SPOCK3: variants seen among roughly 807,000 people sequenced by gnomAD.
SPOCK3 encodes the protein SPARC (osteonectin), cwcv and kazal like domains proteoglycan 3.
In SPOCK3, 30 loss-of-function variants were observed where a neutral mutation model predicts 56.6. That is an observed-to-expected ratio of 0.53 (90% CI 0.40 to 0.72). The LOEUF is 0.72. Among genes scored for constraint, SPOCK3 ranks in the 30% least tolerant of loss-of-function variants. The pLI, the probability that SPOCK3 is intolerant of heterozygous loss-of-function variation, is 0.00. For missense variants in SPOCK3, 527 were observed against 530.0 expected, an observed-to-expected ratio of 0.99 and a Z score of 0.06; for synonymous variants, 196 against 183.3, an observed-to-expected ratio of 1.07 and a Z score of -0.56.
chr4:167,024,997 G>T (rs375228670), intron 3 of SPOCK3, among the ~76,000 whole-genome samples: 6 of 151,936 alleles, frequency 3.9e-5, no homozygotes, highest in African/African-American at 1.4e-4. Flanking sequence ...TAGATTTATA[G>T]CATGTATCAT....
chr4:166,736,559 CTTTT>C (rs918736773), intron 10 of SPOCK3, among the ~76,000 whole-genome samples: 2 of 151,926 alleles, frequency 1.3e-5, no homozygotes, highest in African/African-American at 2.4e-5. Flanking sequence ...TATTGTTTAT[CTTTT>C]TTTAATAGTC....
intron 7 of SPOCK3, among the ~76,000 whole-genome samples, chr4:166,770,234 T>C (rs1738747279): frequency 1.3e-5 from 2 of 152,096 alleles, no homozygotes; most frequent in African/African-American, 2.4e-5. Context: ...ATGAACCGGG[T>C]ACCTCAGTTG....
At chr4:167,159,871 G>A (rs1007319132) in intron 2 of SPOCK3, among the ~76,000 whole-genome samples, 7 of 152,022 alleles carry the variant, frequency 4.6e-5, no homozygotes, top group Non-Finnish European at 1.0e-4. Flanking sequence ...CAATAAATTA[G>A]GTATTGATGA....
intron 4 of SPOCK3, among the ~76,000 whole-genome samples, chr4:166,914,074 A>AAC (rs77206730): frequency 0.022 from 3,413 of 152,246 alleles, 114 homozygotes; most frequent in African/African-American, 0.067. Flanking sequence ...TTAAAAAAAA[A>AAC]AAACCATTCT....
rs150780086 is a variant in SPOCK3, at chr4:167,097,929, C to A, written c.190-35392G>T. Reference sequence around the variant, plus strand: ...TGCAGCTGGGGCCCATTATTCTAAGCAAATTAACACAAAAACAGCAAACTA... The same window carrying A: ...TGCAGCTGGGGCCCATTATTCTAAGAAAATTAACACAAAAACAGCAAACTA... On this transcript the variant is annotated intron_variant, in intron 2 of 10. Coordinates refer to ENST00000357545, the MANE Select transcript of SPOCK3 (RefSeq NM_001040159.2). Among the ~76,000 whole-genome samples the A allele has an allele frequency of 2.2e-3, 329 of 152,034 alleles. 4 individuals are homozygous for A. The highest frequency in any genetic ancestry group is 7.6e-3 in the African/African-American group (314 of 41,520).
At chr4:166,978,549 G>A (rs973838839) in intron 4 of SPOCK3, among the ~76,000 whole-genome samples, 12 of 152,140 alleles carry the variant, frequency 7.9e-5, no homozygotes, top group Admixed American at 2.6e-4. Context: ...AGAAAAGGAA[G>A]GAAATTAACA....
chr4:166,755,134 C>T (rs1736907651), intron 7 of SPOCK3, among the ~76,000 whole-genome samples: 1 of 152,006 alleles, frequency 6.6e-6, no homozygotes, highest in Admixed American at 6.6e-5. Context: ...ATTCACAGCA[C>T]TGAAAATATG....
chr4:167,061,520 G>A (rs1256779412), intron 3 of SPOCK3, among the ~76,000 whole-genome samples: 1 of 151,860 alleles, frequency 6.6e-6, no homozygotes, highest in Non-Finnish European at 1.5e-5. Context: ...GTTGATGATG[G>A]TCTATGTCTA....
intron 4 of SPOCK3, among the ~76,000 whole-genome samples, chr4:166,955,483 ATAT>A (rs919348128): frequency 4.1e-5 from 6 of 146,272 alleles, no homozygotes; most frequent in South Asian, 4.2e-4. Context: ...ATATTTAATT[ATAT>A]TATATTATTA....
intron 3 of SPOCK3, among the ~76,000 whole-genome samples, chr4:167,004,464 C>A (rs1749267877): frequency 6.6e-6 from 1 of 152,102 alleles, no homozygotes; most frequent in African/African-American, 2.4e-5. Context: ...AGCTTCTTAG[C>A]CTTCCAGAGT....
chr4:167,091,853 T>C lies in SPOCK3; in HGVS notation c.190-29316A>G, dbSNP rs543722550. Reference sequence around the variant, plus strand: ...TATTTTTGCCAAATAATATTCAAAATGAAATTATGTAAGTTTTTCTTCCCC... The same window carrying C: ...TATTTTTGCCAAATAATATTCAAAACGAAATTATGTAAGTTTTTCTTCCCC... On this transcript the variant is annotated intron_variant, in intron 2 of 10. Transcript: ENST00000357545. 8.1e-4 allele frequency among the ~76,000 whole-genome samples: 123 copies of C among 152,230 alleles called. No homozygotes were observed. The Middle Eastern group carries it at 0.02, about 25-fold the overall frequency.
chr4:166,746,591 A>C (rs1236447732), intron 8 of SPOCK3, among the ~76,000 whole-genome samples: 1 of 152,194 alleles, frequency 6.6e-6, no homozygotes, highest in Non-Finnish European at 1.5e-5. Flanking sequence ...AGGCAAGAGC[A>C]AACACATTCA....
At chr4:166,938,704 C>T (rs1740727050) in intron 4 of SPOCK3, among the ~76,000 whole-genome samples, 3 of 151,958 alleles carry the variant, frequency 2.0e-5, no homozygotes, top group African/African-American at 7.2e-5. Flanking sequence ...ACATAATCAA[C>T]ATTTAGTCAG....
At chr4:166,896,981 C>CT (rs199831366) in intron 5 of SPOCK3, among the ~76,000 whole-genome samples, 2 of 152,076 alleles carry the variant, frequency 1.3e-5, no homozygotes, top group East Asian at 3.9e-4. Context: ...AAAAGATTAA[C>CT]TTTTTTTTCC....
intron 2 of SPOCK3, among the ~76,000 whole-genome samples, chr4:167,106,865 T>C (rs903579896): frequency 6.6e-5 from 10 of 151,640 alleles, no homozygotes; most frequent in Admixed American, 1.3e-4. Flanking sequence ...TAGTGGCTAC[T>C]ATGAGCAAGC....
rs1488205243 is a variant in SPOCK3, at chr4:166,748,877, A to G, written c.931+5631T>C. Among the ~76,000 whole-genome samples the G allele has an allele frequency of 1.5e-5, 2 of 137,808 alleles. 1 individual carries two copies. Among genetic ancestry groups the G allele is most frequent in the Non-Finnish European group, 3.1e-5 (2 of 64,840 alleles). 90.4% of individuals were successfully genotyped at this position (137,808 alleles called of 152,430 possible). A position where few individuals can be genotyped will look rare whatever the true frequency, so the allele number is the denominator to read the frequency against. On this transcript the variant is annotated intron_variant, in intron 8 of 10. Coordinates refer to ENST00000357545, the MANE Select transcript of SPOCK3 (RefSeq NM_001040159.2). ...GAAGTCATTTATGCCACCAACAGAC[A>G]CAGAAAAAATGCTCATCATCACTGG...
At chr4:167,202,563 A>G (rs968069768) in intron 2 of SPOCK3, among the ~76,000 whole-genome samples, 1 of 151,908 alleles carries the variant, frequency 6.6e-6, no homozygotes, top group Non-Finnish European at 1.5e-5. Flanking sequence ...AAATAACCCA[A>G]TTGTTACTAT....
chr4:166,784,722 C>A (rs1473446014), intron 7 of SPOCK3, among the ~76,000 whole-genome samples: 1 of 152,030 alleles, frequency 6.6e-6, no homozygotes, highest in East Asian at 1.9e-4. Flanking sequence ...ATAAAGTGAG[C>A]AGTATCTTGG....
intron 5 of SPOCK3, among the ~76,000 whole-genome samples, chr4:166,909,628 A>T (rs1737038909): frequency 6.6e-6 from 1 of 152,116 alleles, no homozygotes; most frequent in South Asian, 2.1e-4. Flanking sequence ...AGGGCCCCAC[A>T]TCCAAGACTC....
Sources: gnomAD v4.1 joint callset for allele counts (sites outside exome capture counted in the v4.1 genomes callset) on GRCh38, gnomAD v4.1.1 for gene constraint, MANE v1.5 for transcripts, NCBI Gene and HGNC (gene_info 2026-07-23, HGNC 2026-07-21) for gene names.